ATP10A: variants seen among roughly 807,000 people sequenced by gnomAD.
ATP10A encodes phospholipid-transporting ATPase VA.
ATP10A carries 111 observed loss-of-function variants against 147.8 expected under a neutral mutation model. The observed-to-expected ratio is 0.75, with a 90% CI of 0.64 to 0.88. The LOEUF (loss-of-function observed/expected upper bound fraction) is 0.88, where lower values mean the gene tolerates loss of function less well. Ranked by LOEUF, ATP10A falls within the 40% of genes least tolerant of loss-of-function variation. The pLI is 0.00. For missense variants in ATP10A, 1,927 were observed against 1,959.0 expected, an observed-to-expected ratio of 0.98 and a Z score of 0.31; for synonymous variants, 875 against 841.6, an observed-to-expected ratio of 1.04 and a Z score of -0.69.
intron 3 of ATP10A, among the ~76,000 whole-genome samples, chr15:25,731,465 C>A (rs1902982604): frequency 6.6e-6 from 1 of 152,194 alleles, no homozygotes; most frequent in Admixed American, 6.5e-5. Flanking sequence ...AACTAACCAG[C>A]CAACCTCTTT....
chr15:25,720,465 C>A (rs944450905), intron 7 of ATP10A, among the ~76,000 whole-genome samples: 2 of 152,180 alleles, frequency 1.3e-5, no homozygotes, highest in Non-Finnish European at 2.9e-5. Context: ...GTAGAACCGA[C>A]TGCCCGGGTC....
At chr15:25,717,358 A>T (rs1364145610) in intron 8 of ATP10A, among the ~76,000 whole-genome samples, 1 of 152,176 alleles carries the variant, frequency 6.6e-6, no homozygotes, top group East Asian at 1.9e-4. Flanking sequence ...AATTTCTTTC[A>T]GTTTTGCTGA....
At chr15:25,752,327 A>T (rs928013066) in intron 2 of ATP10A, among the ~76,000 whole-genome samples, 1 of 152,258 alleles carries the variant, frequency 6.6e-6, no homozygotes, top group Non-Finnish European at 1.5e-5. Flanking sequence ...TTTAAAAAGA[A>T]GGAAATTCTG....
chr15:25,756,815 CA>C (rs555457968), intron 2 of ATP10A, among the ~76,000 whole-genome samples: 30 of 152,192 alleles, frequency 2.0e-4, no homozygotes, highest in Non-Finnish European at 3.7e-4. Context: ...TGGGTCTTCT[CA>C]TCAGCAAAAT....
chr15:25,684,867 G>C (rs562487770), intron 16 of ATP10A, among the ~76,000 whole-genome samples: 246 of 152,264 alleles, frequency 1.6e-3, no homozygotes, highest in Non-Finnish European at 3.0e-3. Context: ...AGCTTATGTT[G>C]AAATAACCCA....
At chr15:25,717,106 A>C (rs1386226818) in intron 8 of ATP10A, among the ~76,000 whole-genome samples, 182 bp from the exon 9 acceptor site, 2 of 152,196 alleles carry the variant, frequency 1.3e-5, no homozygotes, top group Non-Finnish European at 1.5e-5. Flanking sequence ...AAATATACAG[A>C]GCTTCTATCC....
At chr15:25,687,273 T>A (rs1233233341) in intron 16 of ATP10A, among the ~76,000 whole-genome samples, 22 of 152,184 alleles carry the variant, frequency 1.4e-4, no homozygotes, top group Admixed American at 1.2e-3. Flanking sequence ...GACTCCTGTT[T>A]GGGGATATTT....
intron 2 of ATP10A, among the ~76,000 whole-genome samples, chr15:25,751,716 G>A (rs28848796): frequency 0.35 from 52,938 of 151,844 alleles, 9,584 homozygotes; most frequent in Non-Finnish European, 0.4. Flanking sequence ...CTGCGAATTG[G>A]GAGAAAATAT....
At chr15:25,846,079 C>T (rs1893012469) in intron 1 of ATP10A, among the ~76,000 whole-genome samples, 2 of 152,072 alleles carry the variant, frequency 1.3e-5, no homozygotes, top group South Asian at 2.1e-4. Context: ...TGTGTGATTC[C>T]GCTCACGTGA....
At chr15:25,832,843 A>T (rs1289141781) in intron 1 of ATP10A, among the ~76,000 whole-genome samples, 1 of 152,186 alleles carries the variant, frequency 6.6e-6, no homozygotes, top group African/African-American at 2.4e-5. Flanking sequence ...ATAAAAAGAA[A>T]TAAGTATTTG....
intron 1 of ATP10A, among the ~76,000 whole-genome samples, chr15:25,834,392 C>A (rs1892502798): frequency 6.6e-6 from 1 of 152,174 alleles, no homozygotes; most frequent in African/African-American, 2.4e-5. Flanking sequence ...ATAAACACAT[C>A]AAACATCATG....
chr15:25,788,748 GA>G (rs1398673870), intron 1 of ATP10A, among the ~76,000 whole-genome samples: 2 of 152,190 alleles, frequency 1.3e-5, no homozygotes, highest in Admixed American at 1.3e-4. Context: ...GGATTTCCAT[GA>G]AATGGAGAAC....
At chr15:25,762,155 C>T (rs1202242590) in intron 2 of ATP10A, among the ~76,000 whole-genome samples, 1 of 152,162 alleles carries the variant, frequency 6.6e-6, no homozygotes, top group South Asian at 2.1e-4. Flanking sequence ...ACTTCTCCTT[C>T]CTGTCAACCA....
intron 2 of ATP10A, among the ~76,000 whole-genome samples, chr15:25,771,325 T>G (rs1386643854): frequency 6.6e-6 from 1 of 152,128 alleles, no homozygotes; most frequent in Non-Finnish European, 1.5e-5. Context: ...ATCTCAGCAC[T>G]TTGAGAGGCT....
rs562851398 is a variant in ATP10A, at chr15:25,732,486, A to G, written c.740+3570T>C. ...TTCCTATCTCATTCCACACCCCCAA[A>G]CCCTGGCAACTGCCAATCCACTTTC... On this transcript the variant is annotated intron_variant, in intron 3 of 20. Coordinates refer to ENST00000555815, the MANE Select transcript of ATP10A (RefSeq NM_024490.4). 3.0e-3 allele frequency among the ~76,000 whole-genome samples: 440 copies of G among 147,532 alleles called. 4 individuals carry two copies. The highest frequency in any genetic ancestry group is 7.1e-3 in the Middle Eastern group (2 of 280).
chr15:25,700,226 A>C (rs1192814832), intron 13 of ATP10A, among the ~76,000 whole-genome samples: 1 of 152,244 alleles, frequency 6.6e-6, no homozygotes, highest in Admixed American at 6.5e-5. Context: ...AAAAAAATCA[A>C]TGACAATGCG....
intron 1 of ATP10A, among the ~76,000 whole-genome samples, chr15:25,785,397 C>T (rs1023749396): frequency 6.6e-6 from 1 of 152,230 alleles, no homozygotes; most frequent in Admixed American, 6.5e-5. Flanking sequence ...CCTGCCCACA[C>T]CTCGGTGTCT....
chr15:25,719,076 A>G (rs80077860), intron 7 of ATP10A, among the ~76,000 whole-genome samples: 1,742 of 152,296 alleles, frequency 0.011, 43 homozygotes, highest in African/African-American at 0.04. Context: ...GCTCTGAACC[A>G]GTTTTCTGGG....
intron 1 of ATP10A, among the ~76,000 whole-genome samples, chr15:25,832,740 G>T (rs957927874): frequency 6.6e-6 from 1 of 152,106 alleles, no homozygotes; most frequent in African/African-American, 2.4e-5. Context: ...GGGATAAGTT[G>T]TGGCATTCCG....
Sources: gnomAD v4.1 joint callset for allele counts (sites outside exome capture counted in the v4.1 genomes callset) on GRCh38, gnomAD v4.1.1 for gene constraint, MANE v1.5 for transcripts, NCBI Gene and HGNC (gene_info 2026-07-23, HGNC 2026-07-21) for gene names.